The following PCDHGA7 variants were observed in gnomAD, a reference collection of about 807,000 sequenced individuals.
The protein encoded by PCDHGA7 is protocadherin gamma-A7.
In PCDHGA7, 44 loss-of-function variants were observed where a neutral mutation model predicts 58.3. That is an observed-to-expected ratio of 0.75 (90% CI 0.59 to 0.97). The LOEUF (loss-of-function observed/expected upper bound fraction) is 0.97. PCDHGA7 is among the 50% of genes least tolerant of loss of function. The probability of loss-of-function intolerance (pLI) is 0.00; values close to 1 mark genes in which losing one functional copy is unlikely to be tolerated. For synonymous variants in PCDHGA7, 516 were observed against 504.2 expected, an observed-to-expected ratio of 1.02 and a Z score of -0.31; for missense variants, 1,266 against 1,188.7, an observed-to-expected ratio of 1.06 and a Z score of -0.96.
chr5:141,465,689 C>A (rs2099107540), intron 1 of PCDHGA7, among the ~76,000 whole-genome samples: 1 of 152,162 alleles, frequency 6.6e-6, no homozygotes, highest in African/African-American at 2.4e-5. Context: ...GACCAGTCTG[C>A]TTTTGCATTG....
rs1385144710 is a variant in PCDHGA7 at position 141,399,080 on chromosome 5, G to C, written c.2424+13757G>C. 1 of 1,613,696 alleles carries C rather than the reference G, an allele frequency of 6.2e-7. No homozygotes were observed. On this transcript the variant is annotated intron_variant, in intron 1 of 3. Transcript: ENST00000518325. ...GAATATTCAATGGTTGTAGAAGGGA[G>C]GGATGGTGGTGGACTGGTTGCACAA...
intron 1 of PCDHGA7, among the ~76,000 whole-genome samples, chr5:141,438,591 C>CATATATAT (rs946798767): frequency 3.4e-4 from 26 of 75,528 alleles, no homozygotes; most frequent in Non-Finnish European, 5.4e-4. Flanking sequence ...TACATACATA[C>CATATATAT]ATATATATAT....
chr5:141,466,401 T>A (rs2099122186), intron 1 of PCDHGA7, among the ~76,000 whole-genome samples: 1 of 152,210 alleles, frequency 6.6e-6, no homozygotes, highest in Non-Finnish European at 1.5e-5. Flanking sequence ...TTTGCTCAAC[T>A]TTAATTTTTC....
At chr5:141,422,881 T>G in intron 1 of PCDHGA7, 1 of 1,614,214 alleles carries the variant, frequency 6.2e-7, no homozygotes, top group East Asian at 2.2e-5. Flanking sequence ...GCTGAGCCTG[T>G]TCGTGCTGGA....
Position 141,485,267 on chromosome 5 carries a change from C to T in PCDHGA7, c.2425-9540C>T, listed in dbSNP as rs767229426. On this transcript the variant is annotated intron_variant, in intron 1 of 3. Transcript: ENST00000518325. This position sits in a 1 kb window ranked among gnomAD's most constrained non-coding sequence, Gnocchi z 5.7. ...CCTGGGTTACGTTTGTGGGCAGATC[C>T]GCTACCCGGTCCCAGAGGAGTCACA... is the stretch of plus-strand genomic sequence containing the variant. 6.2e-7 allele frequency: 1 copy of T among 1,614,088 alleles called. No homozygotes were observed. Among genetic ancestry groups the T allele is most frequent in the South Asian group, 1.1e-5 (1 of 91,082 alleles).
chr5:141,462,414 T>C (rs549473269), intron 1 of PCDHGA7, among the ~76,000 whole-genome samples: 1 of 152,360 alleles, frequency 6.6e-6, no homozygotes, highest in Non-Finnish European at 1.5e-5. Flanking sequence ...CAGAATATGG[T>C]CTATCTTGGT....
intron 1 of PCDHGA7, among the ~76,000 whole-genome samples, chr5:141,443,876 G>C (rs2098409251): frequency 6.6e-6 from 1 of 152,152 alleles, no homozygotes; most frequent in South Asian, 2.1e-4. Flanking sequence ...TTACTGATAA[G>C]TCAAGAGAAA....
chr5:141,415,102 A>G, intron 1 of PCDHGA7: 2 of 1,613,550 alleles, frequency 1.2e-6, no homozygotes, highest in Non-Finnish European at 8.5e-7. Flanking sequence ...AGACGCGCTC[A>G]AGCAAAGCCT....
intron 2 of PCDHGA7, among the ~76,000 whole-genome samples, chr5:141,502,024 C>T (rs2099812413): frequency 2.0e-5 from 3 of 152,152 alleles, no homozygotes; most frequent in Admixed American, 1.3e-4. Context: ...TCCCTGCAAC[C>T]CCCGCCGCTT....
intron 1 of PCDHGA7, chr5:141,417,894 G>A (rs751319373): frequency 1.3e-5 from 21 of 1,573,688 alleles, no homozygotes; most frequent in African/African-American, 2.7e-5. Context: ...CGCCGGGCCG[G>A]CCCGCGGCAG....
In PCDHGA7 at chr5:141,486,247, C is replaced by T. The variant is rs935513223; in HGVS notation, c.2425-8560C>T. The T allele has an allele frequency of 2.5e-6, 4 of 1,614,014 alleles. No homozygotes were observed. The African/African-American group carries it at 5.3e-5, about 22-fold the overall frequency. On this transcript the variant is annotated intron_variant, in intron 1 of 3. Transcript: ENST00000518325. This position sits in a 1 kb window ranked among gnomAD's most constrained non-coding sequence, Gnocchi z 5.0. Reference sequence around the variant, plus strand: ...TCACAGTGACCTCAGAGCTTGGAACCCTCCCCGAGAGTGCAGAACCTGGCA... The same window carrying T: ...TCACAGTGACCTCAGAGCTTGGAACTCTCCCCGAGAGTGCAGAACCTGGCA...
intron 1 of PCDHGA7, chr5:141,393,160 T>A: frequency 6.2e-7 from 1 of 1,613,204 alleles, no homozygotes; most frequent in Non-Finnish European, 8.5e-7. Context: ...AAAGGAAAAC[T>A]CTTTGGGGTA....
In PCDHGA7 at chr5:141,408,093, G is replaced by C. The variant is rs533105778; in HGVS notation, c.2424+22770G>C. On this transcript the variant is annotated intron_variant, in intron 1 of 3. Transcript: ENST00000518325. ...CCTTTCCCAGCACAGCGGATTGCCA[G>C]CTCCGAGACCCGGGACTCCTCCTGT... The C allele has an allele frequency of 7.0e-6, 10 of 1,429,954 alleles. No homozygotes were observed. In the Admixed American group the frequency reaches 1.4e-4, roughly 20 times the overall value. 88.6% of individuals were successfully genotyped at this position (1,429,954 alleles called of 1,614,324 possible).
chr5:141,407,919 C>A, intron 1 of PCDHGA7: 1 of 472,082 alleles, frequency 2.1e-6, no homozygotes, highest in Non-Finnish European at 3.7e-6. Flanking sequence ...GGCTGCTGTC[C>A]CGCACGGAGC....
chr5:141,419,470 G>A (rs2096387963), intron 1 of PCDHGA7: 1 of 1,612,362 alleles, frequency 6.2e-7, no homozygotes, highest in African/African-American at 1.3e-5. Context: ...CCCGCGACCA[G>A]GGCTCGCCCG....
intron 3 of PCDHGA7, among the ~76,000 whole-genome samples, chr5:141,510,266 C>T (rs1202092142): frequency 7.0e-6 from 1 of 143,198 alleles, no homozygotes; most frequent in Non-Finnish European, 1.5e-5. Flanking sequence ...GAGCAGGACT[C>T]CATCTTAAAA....
chr5:141,401,761 A>T (rs2094191513), intron 1 of PCDHGA7, among the ~76,000 whole-genome samples: 1 of 152,210 alleles, frequency 6.6e-6, no homozygotes, highest in African/African-American at 2.4e-5. Flanking sequence ...ATTACATGGT[A>T]TAAGTCTTTT....
Position 141,431,535 on chromosome 5 carries a change from C to T in PCDHGA7, c.2424+46212C>T. On this transcript the variant is annotated intron_variant, in intron 1 of 3. Coordinates refer to ENST00000518325, the MANE Select transcript of PCDHGA7 (RefSeq NM_018920.4). This position sits in a 1 kb window ranked among gnomAD's most constrained non-coding sequence, Gnocchi z 4.8. ...GTTCCGGAGAATCTGGCCTTGGGCA[C>T]GCAGCTGCTTGTAGTCAACGCTACC... is the stretch of plus-strand genomic sequence containing the variant. 3 of 1,614,076 alleles carry T rather than the reference C, an allele frequency of 1.9e-6. No individual in the cohort carries two copies. Among genetic ancestry groups the T allele is most frequent in the Non-Finnish European group, 2.5e-6 (3 of 1,180,038 alleles).
intron 1 of PCDHGA7, chr5:141,413,770 G>A: frequency 6.2e-7 from 1 of 1,612,708 alleles, no homozygotes; most frequent in Non-Finnish European, 8.5e-7. Context: ...CCCGGAGCTG[G>A]TACTGGAGCA....
Sources: gnomAD v4.1 joint callset for allele counts (sites outside exome capture counted in the v4.1 genomes callset) on GRCh38, gnomAD v4.1.1 for gene constraint, Gnocchi (gnomAD v3.1) non-coding constraint, MANE v1.5 for transcripts, NCBI Gene and HGNC (gene_info 2026-07-23, HGNC 2026-07-21) for gene names.